Variants in TEK observed in about 807,000 individuals in gnomAD.
The protein encoded by TEK is angiopoietin-1 receptor.
A neutral mutation model predicts 131.8 loss-of-function variants in TEK; 43 were observed. That is an observed-to-expected ratio of 0.33 (90% CI 0.26 to 0.42). The LOEUF (loss-of-function observed/expected upper bound fraction) is 0.42. Ranked by LOEUF, TEK falls within the 10% of genes least tolerant of loss-of-function variation. TEK has a pLI of 1.00. For missense variants in TEK, 1,162 were observed against 1,384.4 expected (o/e 0.84, Z 2.55); for synonymous variants, 580 against 491.6 (o/e 1.18, Z -2.38).
At chr9:27,124,432 C>T (rs935857845) in intron 1 of TEK, among the ~76,000 whole-genome samples, 3 of 152,176 alleles carry the variant, frequency 2.0e-5, no homozygotes, top group Non-Finnish European at 4.4e-5. Flanking sequence ...ATGTTTTACT[C>T]GTGATGTTAG....
intron 1 of TEK, among the ~76,000 whole-genome samples, chr9:27,147,024 C>T (rs374975313): frequency 5.6e-4 from 86 of 152,238 alleles, no homozygotes; most frequent in African/African-American, 1.8e-3. Flanking sequence ...ACACTGCGCC[C>T]GGCCAACATT....
At chr9:27,208,296 C>T (rs940566929) in intron 15 of TEK, among the ~76,000 whole-genome samples, 1 of 152,124 alleles carries the variant, frequency 6.6e-6, no homozygotes, top group Non-Finnish European at 1.5e-5. Flanking sequence ...GCATGAGCAG[C>T]CATGTTTATG....
rs527966624 is a variant in TEK, at chr9:27,217,546, A to T, written c.2992-142A>T. ...TTTGTTTGCATGTTTTGAAATTTGAAAACACATGTAGCTGGGACATACACA... is the reference window on the plus strand; with the variant it reads ...TTTGTTTGCATGTTTTGAAATTTGATAACACATGTAGCTGGGACATACACA... On this transcript the variant is annotated intron_variant, in intron 18 of 22. Transcript: ENST00000380036. 4.3e-4 allele frequency: 319 copies of T among 734,620 alleles called. 7 individuals are homozygous for T. The highest frequency in any genetic ancestry group is 3.9e-3 in the South Asian group (256 of 65,366). The allele number at this position is 734,620 out of a possible 1,614,324, so 45.5% of individuals were successfully genotyped here.
chr9:27,189,734 G>GA (rs1824738761), intron 9 of TEK, among the ~76,000 whole-genome samples: 1 of 151,866 alleles, frequency 6.6e-6, no homozygotes, highest in African/African-American at 2.4e-5. Context: ...GAAACAGATG[G>GA]TCTCCTAAGC....
chr9:27,124,256 T>G (rs977143615), intron 1 of TEK, among the ~76,000 whole-genome samples: 4 of 152,222 alleles, frequency 2.6e-5, no homozygotes, highest in Non-Finnish European at 4.4e-5. Flanking sequence ...TACTCCCATG[T>G]TTTTGGCTCA....
chr9:27,150,793 A>AC (rs1324725368), intron 1 of TEK, among the ~76,000 whole-genome samples: 1 of 152,198 alleles, frequency 6.6e-6, no homozygotes, highest in Non-Finnish European at 1.5e-5. Context: ...CCCTGGAAAT[A>AC]AAAAGTTTCC....
chr9:27,215,008 A>C lies in TEK; in HGVS notation c.2991+1411A>C, dbSNP rs1275508086. 2.0e-5 allele frequency among the ~76,000 whole-genome samples: 3 copies of C among 152,216 alleles called. No individual in the cohort carries two copies. In the East Asian group the frequency reaches 5.8e-4, roughly 29 times the overall value. On this transcript the variant is annotated intron_variant, in intron 18 of 22. Transcript: ENST00000380036. Reference sequence around the variant, plus strand: ...TCCTCCCTCACCACCTGGTGTCCTCAAATCTCCTTCCTGAAATCCTTTTCC... The same window carrying C: ...TCCTCCCTCACCACCTGGTGTCCTCCAATCTCCTTCCTGAAATCCTTTTCC...
intron 2 of TEK, 143 bp downstream of exon 2, chr9:27,158,285 C>A (rs1823417095): frequency 1.0e-6 from 1 of 962,492 alleles, no homozygotes; most frequent in Non-Finnish European, 1.6e-6. Flanking sequence ...TTCCATGCAT[C>A]ACCGTGTCTG....
chr9:27,169,118 G>A (rs111367101), intron 3 of TEK, among the ~76,000 whole-genome samples: 1,591 of 152,252 alleles, frequency 0.01, 25 homozygotes, highest in African/African-American at 0.036. Flanking sequence ...TTGGAGTAGC[G>A]ATTATAGATA....
At chr9:27,163,554 C>G (rs1823620014) in intron 2 of TEK, among the ~76,000 whole-genome samples, 1 of 152,166 alleles carries the variant, frequency 6.6e-6, no homozygotes, top group South Asian at 2.1e-4. Context: ...GGCTGAGGAA[C>G]TGAATACAGT....
intron 1 of TEK, among the ~76,000 whole-genome samples, chr9:27,141,175 C>T (rs1297070136): frequency 6.6e-6 from 1 of 152,028 alleles, no homozygotes; most frequent in Non-Finnish European, 1.5e-5. Context: ...TAACTTCTAA[C>T]ATATTGTTTT....
intron 6 of TEK, 117 bp from the exon 7 acceptor site, chr9:27,180,123 C>G: frequency 1.4e-6 from 2 of 1,465,052 alleles, no homozygotes; most frequent in Non-Finnish European, 1.9e-6. Flanking sequence ...TACCCCCTAC[C>G]TTACACAAAT....
intron 1 of TEK, among the ~76,000 whole-genome samples, chr9:27,139,412 C>T (rs976961150): frequency 7.0e-6 from 1 of 142,008 alleles, no homozygotes; most frequent in African/African-American, 2.6e-5. Context: ...AATGCATGCT[C>T]CGCCTCCTGG....
At chr9:27,226,586 C>T (rs367710831) in intron 21 of TEK, among the ~76,000 whole-genome samples, 1 of 151,158 alleles carries the variant, frequency 6.6e-6, no homozygotes, top group African/African-American at 2.4e-5. Flanking sequence ...GGGGTGGGGG[C>T]TAGGGGAGGG....
Position 27,154,394 on chromosome 9 carries a change from G to T in TEK, c.53-3437G>T, listed in dbSNP as rs149896896. 6.6e-3 allele frequency among the ~76,000 whole-genome samples: 998 copies of T among 152,222 alleles called. 4 individuals are homozygous for T. Among genetic ancestry groups the T allele is most frequent in the Middle Eastern group, 0.017 (5 of 294 alleles). On this transcript the variant is annotated intron_variant, in intron 1 of 22. Coordinates refer to ENST00000380036, the MANE Select transcript of TEK (RefSeq NM_000459.5). Reference sequence around the variant, plus strand: ...GAGCCACCGCGCCCAGCCTCCAGCTGCCCCTTTTTAAGAAATGGGCCATAA... The same window carrying T: ...GAGCCACCGCGCCCAGCCTCCAGCTTCCCCTTTTTAAGAAATGGGCCATAA...
intron 16 of TEK, among the ~76,000 whole-genome samples, chr9:27,211,662 G>A (rs1825636596): frequency 6.6e-6 from 1 of 151,498 alleles, no homozygotes; most frequent in Non-Finnish European, 1.5e-5. Context: ...TAGAGATTAG[G>A]TCTCAGTATA....
chr9:27,226,102 G>T (rs368237988), intron 21 of TEK, among the ~76,000 whole-genome samples: 2 of 152,220 alleles, frequency 1.3e-5, no homozygotes, highest in African/African-American at 4.8e-5. Flanking sequence ...AGAGGATGTG[G>T]AGAAATAGGA....
intron 21 of TEK, among the ~76,000 whole-genome samples, chr9:27,223,214 C>A (rs1462338576): frequency 6.6e-6 from 1 of 152,078 alleles, no homozygotes; most frequent in Non-Finnish European, 1.5e-5. Flanking sequence ...TTAGACGGAT[C>A]AACGAGACAG....
At chr9:27,217,929 G>A (rs1274445311) in intron 19 of TEK, among the ~76,000 whole-genome samples, 171 bp downstream of exon 19, 1 of 152,184 alleles carries the variant, frequency 6.6e-6, no homozygotes, top group Non-Finnish European at 1.5e-5. Flanking sequence ...ACAGTTTCCA[G>A]AGGAGTGCAG....
Sources: gnomAD v4.1 joint callset for allele counts (sites outside exome capture counted in the v4.1 genomes callset) on GRCh38, gnomAD v4.1.1 for gene constraint, MANE v1.5 for transcripts, NCBI Gene and HGNC (gene_info 2026-07-23, HGNC 2026-07-21) for gene names.